SNX6: variants seen among roughly 807,000 people sequenced by gnomAD.
SNX6 encodes the protein sorting nexin 6, also known as sorting nexin-6.
SNX6 carries 34 observed loss-of-function variants against 63.0 expected under a neutral mutation model. The ratio of observed to expected loss-of-function variants is 0.54; its 90% CI spans 0.41 to 0.72. SNX6 has a LOEUF of 0.72. Ranked by LOEUF, SNX6 falls within the 30% of genes least tolerant of loss-of-function variation. The pLI is 0.00. For missense variants in SNX6, 398 were observed against 471.4 expected (o/e 0.84, Z 1.44); for synonymous variants, 170 against 164.2 (o/e 1.04, Z -0.27).
chr14:34,608,933 CAGG>C (rs1044417490), intron 3 of SNX6, among the ~76,000 whole-genome samples: 3 of 151,944 alleles, frequency 2.0e-5, no homozygotes, highest in African/African-American at 7.3e-5. Flanking sequence ...GAGGCTGAGA[CAGG>C]AGAACTGCTT....
intron 11 of SNX6, among the ~76,000 whole-genome samples, chr14:34,573,589 T>C (rs560525473): frequency 1.6e-4 from 24 of 151,458 alleles, no homozygotes; most frequent in African/African-American, 5.6e-4. Context: ...AAAAAACAAA[T>C]TGTTTTTGGT....
At chr14:34,605,819 C>T (rs1882994483) in intron 4 of SNX6, 102 bp from the exon 5 acceptor site, 3 of 1,358,400 alleles carry the variant, frequency 2.2e-6, no homozygotes, top group Admixed American at 5.3e-5. Flanking sequence ...CTAAGGGGAT[C>T]CAGAATGAGC....
chr14:34,568,379 C>T (rs1439527463), intron 11 of SNX6, among the ~76,000 whole-genome samples: 4 of 151,864 alleles, frequency 2.6e-5, no homozygotes, highest in South Asian at 4.1e-4. Context: ...TACAGGTGCA[C>T]GCCACCACGC....
chr14:34,577,203 C>T (rs1217703796), intron 10 of SNX6, among the ~76,000 whole-genome samples: 1 of 152,116 alleles, frequency 6.6e-6, no homozygotes, highest in African/African-American at 2.4e-5. Context: ...CTGCCTCAGC[C>T]TCCCTAGTAG....
chr14:34,599,772 T>C (rs1383648072), intron 6 of SNX6, among the ~76,000 whole-genome samples: 7 of 32,482 alleles, frequency 2.2e-4, no homozygotes, highest in African/African-American at 5.5e-4. Context: ...AGACTCTGTC[T>C]CAAAAAAAAA....
rs1414964059 is a variant in SNX6, at chr14:34,608,087, C to T, written c.213G>A (p.Glu71=). ...AGGAATCATGAAGCCAGATAAATTC[C>T]TCATGTTGCCGAACAACTGAAAACT... is the stretch of plus-strand genomic sequence containing the variant. ...QNEFSVVRQH[E]EFIWLHDSFV... The change falls in exon 4 of 14, where the codon GAG becomes GAA. Residue 71 remains glutamate (E), a synonymous_variant. Coordinates refer to ENST00000362031, the MANE Select transcript of SNX6 (RefSeq NM_152233.4). The T allele has an allele frequency of 1.2e-6, 2 of 1,610,754 alleles. No individual in the cohort carries two copies. Among genetic ancestry groups the T allele is most frequent in the Admixed American group, 1.7e-5 (1 of 59,732 alleles).
chr14:34,569,040 G>A, intron 11 of SNX6: 2 of 1,414,654 alleles, frequency 1.4e-6, no homozygotes, highest in Admixed American at 1.7e-5. Flanking sequence ...CCCATTCGGG[G>A]ACTTTCAGCT....
intron 8 of SNX6, among the ~76,000 whole-genome samples, chr14:34,589,600 C>T (rs763479821): frequency 1.3e-5 from 2 of 151,766 alleles, no homozygotes; most frequent in African/African-American, 4.8e-5. Context: ...CTGAGGTGGG[C>T]GGATCACTTC....
intron 13 of SNX6, among the ~76,000 whole-genome samples, chr14:34,567,356 A>T (rs1176341826): frequency 6.6e-6 from 1 of 152,078 alleles, no homozygotes; most frequent in Non-Finnish European, 1.5e-5. Flanking sequence ...GTGTGGTGGC[A>T]CATACCTGTA....
Position 34,603,458 on chromosome 14 carries a change from T to G in SNX6, c.406A>C (p.Ile136Leu), listed in dbSNP as rs765580835. The part of the protein sequence containing the change: ...KQELEAEYLA[I>L]FKKTVAMHEV... ...TGCATCGCAACTGTCTTCTTGAATA[T>G]TGCCAAATATTCACTAGAAACAATA... is the stretch of plus-strand genomic sequence containing the variant. The change falls in exon 6 of 14, where the codon ATA becomes CTA. Residue 136 changes from isoleucine (I) to leucine (L), a missense_variant. Physicochemically the swap from Ile to Leu is conservative, Grantham distance 5 (BLOSUM62 2). Coordinates refer to ENST00000362031, the MANE Select transcript of SNX6 (RefSeq NM_152233.4). 1 of 1,595,592 alleles carries G rather than the reference T, an allele frequency of 6.3e-7. No homozygotes were observed. The highest frequency in any genetic ancestry group is 1.2e-5 in the South Asian group (1 of 86,428).
At chr14:34,609,445 C>A (rs564472326) in intron 3 of SNX6, among the ~76,000 whole-genome samples, 193 bp downstream of exon 3, 24 of 140,868 alleles carry the variant, frequency 1.7e-4, no homozygotes, top group Non-Finnish European at 3.5e-4. Flanking sequence ...CGTGCCACTG[C>A]ACTCCAGCCT....
At chr14:34,578,937 C>CGA (rs1881824138) in intron 10 of SNX6, among the ~76,000 whole-genome samples, 2 of 22,538 alleles carry the variant, frequency 8.9e-5, no homozygotes, top group African/African-American at 2.2e-4. Flanking sequence ...GACTTCATCT[C>CGA]AAAAAAAAAA....
chr14:34,603,351 T>C lies in SNX6; in HGVS notation c.513A>G (p.Gln171=). The change falls in exon 6 of 14, where the codon CAA becomes CAG. Residue 171 remains glutamine, a synonymous_variant. Coordinates refer to ENST00000362031, the MANE Select transcript of SNX6 (RefSeq NM_152233.4). The stretch of plus-strand genomic sequence containing the variant: ...CACCAATCAATGTGATACTCACATC[T>C]TGATTATATTCCAAGAAGACATGGA... The part of the protein sequence containing the change: ...LNFHVFLEYN[Q]DLSVRGKNKK... The C allele has an allele frequency of 6.2e-7, 1 of 1,604,938 alleles. No homozygotes were observed. Among genetic ancestry groups the C allele is most frequent in the Admixed American group, 1.7e-5 (1 of 57,798 alleles).
chr14:34,598,520 T>C (rs1396058529), intron 6 of SNX6, among the ~76,000 whole-genome samples: 1 of 152,110 alleles, frequency 6.6e-6, no homozygotes, highest in Non-Finnish European at 1.5e-5. Flanking sequence ...GCCTCCCGAG[T>C]AGCTGGGACC....
At chr14:34,629,140 C>CA (rs529012605) in intron 2 of SNX6, among the ~76,000 whole-genome samples, 59 of 150,050 alleles carry the variant, frequency 3.9e-4, no homozygotes, top group East Asian at 3.5e-3. Flanking sequence ...TGTTCTCACA[C>CA]AAAAAAAAAT....
At chr14:34,575,264 G>A (rs1240109244) in intron 11 of SNX6, among the ~76,000 whole-genome samples, 9 of 147,270 alleles carry the variant, frequency 6.1e-5, no homozygotes, top group Non-Finnish European at 1.2e-4. Flanking sequence ...AATGGCACGC[G>A]ATCTCAGCTC....
chr14:34,569,108 CT>C, intron 11 of SNX6: 1 of 936,332 alleles, frequency 1.1e-6, no homozygotes, highest in Non-Finnish European at 1.8e-6. Context: ...TGGTTCACAT[CT>C]TTTACAGTAA....
chr14:34,620,166 GCTC>G (rs957439325), intron 2 of SNX6, among the ~76,000 whole-genome samples: 1 of 152,178 alleles, frequency 6.6e-6, no homozygotes, highest in African/African-American at 2.4e-5. Context: ...ACTCTGCTCA[GCTC>G]CTCTTTTGAT....
At chr14:34,612,137 C>A (rs1484944149) in intron 2 of SNX6, among the ~76,000 whole-genome samples, 1 of 151,832 alleles carries the variant, frequency 6.6e-6, no homozygotes, top group African/African-American at 2.4e-5. Flanking sequence ...GACAGGGTCT[C>A]GCTATGTCAC....
Sources: gnomAD v4.1 joint callset for allele counts (sites outside exome capture counted in the v4.1 genomes callset) on GRCh38, gnomAD v4.1.1 for gene constraint, MANE v1.5 for transcripts, NCBI Gene and HGNC (gene_info 2026-07-23, HGNC 2026-07-21) for gene names.